Variants in KDM4C observed in about 807,000 individuals in gnomAD.
The protein encoded by KDM4C is lysine-specific demethylase 4C.
Under a neutral mutation model 129.3 loss-of-function variants are expected in KDM4C, and 81 were observed. The ratio of observed to expected loss-of-function variants is 0.63; its 90% CI spans 0.52 to 0.75. The LOEUF (loss-of-function observed/expected upper bound fraction) is 0.75, where lower values mean the gene tolerates loss of function less well. KDM4C is among the 30% of genes least tolerant of loss of function. KDM4C has a pLI of 0.00. For missense variants in KDM4C, 1,457 were observed against 1,304.0 expected (o/e 1.12, Z -1.81); for synonymous variants, 573 against 456.1 (o/e 1.26, Z -3.26).
chr9:7,116,993 C>G (rs1172167945), intron 18 of KDM4C, among the ~76,000 whole-genome samples: 1 of 152,100 alleles, frequency 6.6e-6, no homozygotes, highest in Non-Finnish European at 1.5e-5. Context: ...TATAGTTACA[C>G]GTAGTACATT....
chr9:7,010,317 A>T (rs927245931), intron 12 of KDM4C, among the ~76,000 whole-genome samples: 3 of 152,224 alleles, frequency 2.0e-5, no homozygotes, highest in African/African-American at 7.2e-5. Flanking sequence ...AATAACAACA[A>T]CAACCATGAT....
At chr9:6,733,790 T>G (rs1588041513) in intron 1 of KDM4C, among the ~76,000 whole-genome samples, 1 of 152,176 alleles carries the variant, frequency 6.6e-6, no homozygotes, top group Non-Finnish European at 1.5e-5. Flanking sequence ...TTTATGGTTG[T>G]TTTTTGATGG....
chr9:6,733,147 G>A (rs1047449412), intron 1 of KDM4C, among the ~76,000 whole-genome samples: 1 of 152,224 alleles, frequency 6.6e-6, no homozygotes, highest in Admixed American at 6.5e-5. Flanking sequence ...TTCTGGGCTG[G>A]CTTGCCTATT....
At chr9:6,910,056 T>C (rs1819004892) in intron 8 of KDM4C, among the ~76,000 whole-genome samples, 2 of 152,158 alleles carry the variant, frequency 1.3e-5, no homozygotes, top group Non-Finnish European at 2.9e-5. Context: ...TATGGTAAAA[T>C]TGAAATATTT....
At chr9:6,847,549 C>G (rs1838067041) in intron 4 of KDM4C, among the ~76,000 whole-genome samples, 1 of 152,114 alleles carries the variant, frequency 6.6e-6, no homozygotes, top group South Asian at 2.1e-4. Flanking sequence ...CGCCACCAGG[C>G]CTGGCTAATT....
At chr9:6,979,635 G>T (rs1435908532) in intron 8 of KDM4C, among the ~76,000 whole-genome samples, 1 of 152,148 alleles carries the variant, frequency 6.6e-6, no homozygotes, top group South Asian at 2.1e-4. Flanking sequence ...ATGAAAGATT[G>T]TAAGAGATTT....
rs188623197 is a variant in KDM4C at position 7,076,034 on chromosome 9, G to A, written c.2424+26834G>A. 4.6e-3 allele frequency among the ~76,000 whole-genome samples: 708 copies of A among 152,268 alleles called. 6 individuals are homozygous for A. Among genetic ancestry groups the A allele is most frequent in the African/African-American group, 0.016 (652 of 41,554 alleles). On this transcript the variant is annotated intron_variant, in intron 17 of 21. Transcript: ENST00000381309. ...TAGAACGAACATTTATGGCATGTGA[G>A]CCTTGCACTGAGTGCTGTACCTGGT... is the stretch of plus-strand genomic sequence containing the variant.
intron 19 of KDM4C, among the ~76,000 whole-genome samples, chr9:7,146,480 C>T (rs562029367): frequency 6.6e-6 from 1 of 152,296 alleles, no homozygotes; most frequent in East Asian, 1.9e-4. Context: ...CATCTTGAAG[C>T]TCTCTGGAAT....
At chr9:6,891,679 G>T (rs1846136123) in intron 7 of KDM4C, among the ~76,000 whole-genome samples, 2 of 152,064 alleles carry the variant, frequency 1.3e-5, no homozygotes. Context: ...TTTCAATAAA[G>T]TTGTTACTGA....
At chr9:7,168,789 G>C (rs1343226827) in intron 20 of KDM4C, among the ~76,000 whole-genome samples, 1 of 152,102 alleles carries the variant, frequency 6.6e-6, no homozygotes, top group African/African-American at 2.4e-5. Context: ...AACAGGCCGG[G>C]CATGGTGGCT....
intron 4 of KDM4C, among the ~76,000 whole-genome samples, chr9:6,822,790 A>T (rs1833252117): frequency 6.6e-6 from 1 of 152,278 alleles, no homozygotes; most frequent in South Asian, 2.1e-4. Flanking sequence ...AGGACCTGCA[A>T]GTCAGCAGAT....
chr9:6,865,789 C>T (rs368318299), intron 5 of KDM4C, among the ~76,000 whole-genome samples: 40 of 151,444 alleles, frequency 2.6e-4, no homozygotes, highest in East Asian at 5.8e-4. Context: ...CTCGCTCTGT[C>T]GCCCAGGCTG....
chr9:6,990,002 T>C (rs1818441120), intron 11 of KDM4C, among the ~76,000 whole-genome samples: 1 of 151,932 alleles, frequency 6.6e-6, no homozygotes, highest in Non-Finnish European at 1.5e-5. Flanking sequence ...AGTCTCAAGC[T>C]CCTGGGCTCA....
chr9:7,097,209 C>T (rs187494847), intron 17 of KDM4C, among the ~76,000 whole-genome samples: 2 of 152,214 alleles, frequency 1.3e-5, no homozygotes, highest in Admixed American at 1.3e-4. Context: ...GAGGCAGGCC[C>T]TGGGTCCCTG....
chr9:6,947,413 T>TA, intron 8 of KDM4C, among the ~76,000 whole-genome samples: 1 of 152,276 alleles, frequency 6.6e-6, no homozygotes, highest in Admixed American at 6.5e-5. Flanking sequence ...AATGCTTTCT[T>TA]AATGCCTATA....
At chr9:6,783,332 T>G (rs1489147543) in intron 1 of KDM4C, among the ~76,000 whole-genome samples, 2 of 152,158 alleles carry the variant, frequency 1.3e-5, no homozygotes, top group African/African-American at 4.8e-5. Flanking sequence ...AAGACTGGGA[T>G]AGAGAAGCAG....
intron 16 of KDM4C, among the ~76,000 whole-genome samples, chr9:7,047,346 A>G (rs900899847): frequency 2.6e-5 from 4 of 152,096 alleles, no homozygotes; most frequent in African/African-American, 9.7e-5. Flanking sequence ...TACTTTTTAC[A>G]TTAGCAAATT....
At chr9:7,078,906 G>A (rs1834219213) in intron 17 of KDM4C, among the ~76,000 whole-genome samples, 1 of 152,152 alleles carries the variant, frequency 6.6e-6, no homozygotes, top group Non-Finnish European at 1.5e-5. Flanking sequence ...AAGATTTATT[G>A]CAGTGAAAGG....
intron 4 of KDM4C, among the ~76,000 whole-genome samples, chr9:6,839,894 C>G (rs1836599891): frequency 6.8e-6 from 1 of 146,006 alleles, no homozygotes; most frequent in Non-Finnish European, 1.5e-5. Context: ...CAGAGTGAGA[C>G]TCCATCTCAA....
Sources: gnomAD v4.1 joint callset for allele counts (sites outside exome capture counted in the v4.1 genomes callset) on GRCh38, gnomAD v4.1.1 for gene constraint, MANE v1.5 for transcripts, NCBI Gene and HGNC (gene_info 2026-07-23, HGNC 2026-07-21) for gene names.